The following COL21A1 variants were observed in gnomAD, a reference collection of about 807,000 sequenced individuals.
The protein encoded by COL21A1 is collagen alpha-1(XXI) chain.
In COL21A1, 149 loss-of-function variants were observed where a neutral mutation model predicts 137.9. The ratio of observed to expected loss-of-function variants is 1.08; its 90% CI spans 0.95 to 1.24. The LOEUF (loss-of-function observed/expected upper bound fraction) is 1.24, where lower values mean the gene tolerates loss of function less well. Among genes scored for constraint, COL21A1 ranks in the 50% most tolerant of loss-of-function variants. The pLI is 0.00. For synonymous variants in COL21A1, 456 were observed against 391.5 expected (o/e 1.16, Z -1.95); for missense variants, 1,167 against 1,158.4 (o/e 1.01, Z -0.11).
At chr6:56,306,886 T>C (rs1257446059) in intron 1 of COL21A1, among the ~76,000 whole-genome samples, 2 of 152,196 alleles carry the variant, frequency 1.3e-5, no homozygotes, top group Admixed American at 1.3e-4. Context: ...GATGGTGACG[T>C]ACAGATGGGG....
intron 12 of COL21A1, among the ~76,000 whole-genome samples, chr6:56,128,658 T>C (rs1455650149): frequency 6.6e-6 from 1 of 152,078 alleles, no homozygotes; most frequent in Non-Finnish European, 1.5e-5. Context: ...TTGTTTTTGT[T>C]CTGTTTTGTT....
At chr6:56,345,026 T>A (rs1190153283) in intron 1 of COL21A1, among the ~76,000 whole-genome samples, 1 of 152,168 alleles carries the variant, frequency 6.6e-6, no homozygotes. Flanking sequence ...TACACAAACA[T>A]TAGGTGCTTA....
chr6:56,210,392 T>C (rs1177782513), intron 1 of COL21A1, among the ~76,000 whole-genome samples: 1 of 152,192 alleles, frequency 6.6e-6, no homozygotes, highest in Non-Finnish European at 1.5e-5. Context: ...TATCCTACTT[T>C]TCCTACATGA....
chr6:56,337,922 G>A (rs1765366395), intron 1 of COL21A1, among the ~76,000 whole-genome samples: 1 of 151,072 alleles, frequency 6.6e-6, no homozygotes, highest in African/African-American at 2.4e-5. Context: ...GGCACTCAAA[G>A]TGAGGAAGAA....
At chr6:56,121,566 A>G (rs1772531274) in intron 16 of COL21A1, among the ~76,000 whole-genome samples, 1 of 147,466 alleles carries the variant, frequency 6.8e-6, no homozygotes, top group East Asian at 2.0e-4. Context: ...ATGTGTATAT[A>G]TATATATGTA....
intron 16 of COL21A1, among the ~76,000 whole-genome samples, chr6:56,108,098 G>A (rs1021160143): frequency 2.0e-5 from 3 of 151,742 alleles, no homozygotes; most frequent in African/African-American, 4.8e-5. Context: ...GTAGTATAAA[G>A]ACCACTAAAA....
At chr6:56,199,010 A>G (rs1779208713) in intron 1 of COL21A1, among the ~76,000 whole-genome samples, 1 of 152,076 alleles carries the variant, frequency 6.6e-6, no homozygotes, top group Admixed American at 6.6e-5. Context: ...GGACATAGAC[A>G]TTGAATCTTT....
At chr6:56,341,908 T>C (rs1025070159) in intron 1 of COL21A1, among the ~76,000 whole-genome samples, 2 of 152,164 alleles carry the variant, frequency 1.3e-5, no homozygotes, top group Admixed American at 6.5e-5. Context: ...GTCTATGTTT[T>C]TAAATCTAAA....
intron 16 of COL21A1, among the ~76,000 whole-genome samples, chr6:56,105,535 TA>T (rs1282051314): frequency 1.3e-5 from 2 of 152,336 alleles, no homozygotes; most frequent in Non-Finnish European, 2.9e-5. Context: ...AAGATATCAT[TA>T]AAAACAGTAG....
At chr6:56,150,228 T>G (rs1775185569) in intron 10 of COL21A1, among the ~76,000 whole-genome samples, 1 of 152,068 alleles carries the variant, frequency 6.6e-6, no homozygotes, top group Non-Finnish European at 1.5e-5. Context: ...ATTAAAGAGT[T>G]GGGGGAACTG....
chr6:56,060,615 A>G (rs1765705276), intron 27 of COL21A1, 126 bp downstream of exon 27: 3 of 623,140 alleles, frequency 4.8e-6, no homozygotes, highest in Non-Finnish European at 7.9e-6. Flanking sequence ...AGAAAAGTAG[A>G]TGAGGCTTAT....
At chr6:56,345,078 G>A (rs921449148) in intron 1 of COL21A1, among the ~76,000 whole-genome samples, 4 of 152,196 alleles carry the variant, frequency 2.6e-5, no homozygotes, top group Admixed American at 2.0e-4. Flanking sequence ...ATGCACAGGT[G>A]AACAAGGAAC....
At chr6:56,167,831 A>T (rs1403240790) in intron 6 of COL21A1, among the ~76,000 whole-genome samples, 1 of 152,162 alleles carries the variant, frequency 6.6e-6, no homozygotes, top group Non-Finnish European at 1.5e-5. Flanking sequence ...TTATTACTTA[A>T]ACTATGTTTC....
chr6:56,290,498 G>GT (rs371058894), intron 1 of COL21A1, among the ~76,000 whole-genome samples: 2 of 132,960 alleles, frequency 1.5e-5, no homozygotes, highest in Admixed American at 8.2e-5. Flanking sequence ...TCACTTAGGA[G>GT]ATTTTTTTTT....
intron 1 of COL21A1, among the ~76,000 whole-genome samples, chr6:56,263,995 C>T (rs1763341544): frequency 6.6e-6 from 1 of 151,888 alleles, no homozygotes; most frequent in South Asian, 2.1e-4. Context: ...CACAAACACA[C>T]AAAGATGAAA....
At position 56,119,157 on chromosome 6, in the gene COL21A1, A is replaced by G. The variant is rs545962220; in HGVS notation, c.1758+4905T>C. Among the ~76,000 whole-genome samples, 81 of 152,240 alleles carry G rather than the reference A, an allele frequency of 5.3e-4. 2 individuals are homozygous for G. The South Asian group carries it at 0.016, about 31-fold the overall frequency. ...GTAAAATTATCCTTGTTTGCTGATGATATAATCTTTTATTTAGAAAAACCT... is the reference window on the plus strand; with the variant it reads ...GTAAAATTATCCTTGTTTGCTGATGGTATAATCTTTTATTTAGAAAAACCT... On this transcript the variant is annotated intron_variant, in intron 16 of 29. Transcript: ENST00000244728.
chr6:56,364,522 T>C (rs529626706), intron 1 of COL21A1, among the ~76,000 whole-genome samples: 1 of 152,270 alleles, frequency 6.6e-6, no homozygotes, highest in African/African-American at 2.4e-5. Context: ...ATCCAACTTA[T>C]CTCCATCCAT....
chr6:56,083,376 C>A (rs1381641146), intron 17 of COL21A1, among the ~76,000 whole-genome samples: 3 of 151,934 alleles, frequency 2.0e-5, no homozygotes, highest in Non-Finnish European at 4.4e-5. Context: ...TCATATGGGT[C>A]AGGTCCTTCT....
At chr6:56,254,070 C>T (rs1407106372) in intron 1 of COL21A1, among the ~76,000 whole-genome samples, 1 of 152,142 alleles carries the variant, frequency 6.6e-6, no homozygotes, top group African/African-American at 2.4e-5. Flanking sequence ...ATTCTTCTGG[C>T]CAAGAGAACA....
Sources: allele counts gnomAD v4.1 joint callset (sites outside exome capture counted in the v4.1 genomes callset), GRCh38; gene constraint gnomAD v4.1.1; transcripts MANE v1.5; gene names NCBI Gene and HGNC (gene_info 2026-07-23, HGNC 2026-07-21).